EPB41L1: variants seen among roughly 807,000 people sequenced by gnomAD.
EPB41L1 encodes the protein erythrocyte membrane protein band 4.1 like 1, also known as band 4.1-like protein 1.
Under a neutral mutation model 97.8 loss-of-function variants are expected in EPB41L1, and 29 were observed. The observed-to-expected ratio is 0.30, with a 90% CI of 0.22 to 0.40. EPB41L1 has a LOEUF of 0.40. Ranked by LOEUF, EPB41L1 falls within the 10% of genes least tolerant of loss-of-function variation. The pLI, the probability that EPB41L1 is intolerant of heterozygous loss-of-function variation, is 1.00. For synonymous variants in EPB41L1, 383 were observed against 459.2 expected, an observed-to-expected ratio of 0.83 and a Z score of 2.12; for missense variants, 812 against 1,162.3, an observed-to-expected ratio of 0.70 and a Z score of 4.38.
At chr20:36,218,775 C>T (rs1280816764) in intron 17 of EPB41L1, 101 bp from the exon 18 acceptor site, 5 of 1,050,418 alleles carry the variant, frequency 4.8e-6, no homozygotes, top group African/African-American at 1.6e-5. Flanking sequence ...ATTATTTCTA[C>T]TCAACCTTGT....
chr20:36,093,392 G>A lies in EPB41L1; in HGVS notation c.-65+1780G>A, dbSNP rs1250245086. Reference sequence around the variant, plus strand: ...CCCGTGTGTGCGCGTGTGAGTGCGGGTGTGCTCCCGCGTAGCCCCCGTGTG... The same window carrying A: ...CCCGTGTGTGCGCGTGTGAGTGCGGATGTGCTCCCGCGTAGCCCCCGTGTG... On this transcript the variant is annotated intron_variant, in intron 1 of 19. Transcript: ENST00000202028. This position sits in a 1 kb window ranked among gnomAD's most constrained non-coding sequence, Gnocchi z 5.4. Among the ~76,000 whole-genome samples the A allele has an allele frequency of 6.6e-6, 1 of 151,262 alleles. No individual in the cohort carries two copies. The highest frequency in any genetic ancestry group is 1.5e-5 in the Non-Finnish European group (1 of 67,786).
At chr20:36,192,096 T>C (rs759238683) in intron 11 of EPB41L1, among the ~76,000 whole-genome samples, 5 of 151,734 alleles carry the variant, frequency 3.3e-5, no homozygotes, top group Non-Finnish European at 5.9e-5. Flanking sequence ...CGTGGTGGCA[T>C]GCACCTGTAA....
intron 2 of EPB41L1, among the ~76,000 whole-genome samples, chr20:36,121,094 C>T (rs6142510): frequency 2.0e-5 from 3 of 148,044 alleles, no homozygotes; most frequent in Non-Finnish European, 3.0e-5. Context: ...AAAAAGAGAG[C>T]GATCTCAGAG....
At chr20:36,124,742 A>G (rs2147703694) in intron 2 of EPB41L1, among the ~76,000 whole-genome samples, 1 of 152,230 alleles carries the variant, frequency 6.6e-6, no homozygotes, top group Admixed American at 6.5e-5. Flanking sequence ...GGCATGGCGC[A>G]CAGTAGGTAT....
Position 36,214,343 on chromosome 20 carries a change from C to T in EPB41L1, c.2185-14C>T. On this transcript the variant is annotated splice_polypyrimidine_tract_variant and intron_variant, in intron 16 of 21. Transcript: ENST00000338074. Reference sequence around the variant, plus strand: ...CCAGCTCTCCCCAGCTCTAACGACTCCTCCTCTGGTCAGCAGGTTGATGGG... The same window carrying T: ...CCAGCTCTCCCCAGCTCTAACGACTTCTCCTCTGGTCAGCAGGTTGATGGG... 1 of 1,612,548 alleles carries T rather than the reference C, an allele frequency of 6.2e-7. No homozygotes were observed. Among genetic ancestry groups the T allele is most frequent in the South Asian group, 1.1e-5 (1 of 90,942 alleles).
intron 2 of EPB41L1, among the ~76,000 whole-genome samples, chr20:36,138,160 T>C (rs1363750783): frequency 1.3e-5 from 2 of 152,242 alleles, no homozygotes; most frequent in Admixed American, 1.3e-4. Flanking sequence ...ATGTGAATAA[T>C]GCTGCTATGG....
intron 1 of EPB41L1, among the ~76,000 whole-genome samples, chr20:36,166,417 A>G (rs2060740961): frequency 6.6e-6 from 1 of 152,254 alleles, no homozygotes; most frequent in South Asian, 2.1e-4. Context: ...CCTAGCAAAT[A>G]GCAGACTACA....
chr20:36,170,064 C>T (rs1046864837), intron 1 of EPB41L1, among the ~76,000 whole-genome samples: 1 of 152,194 alleles, frequency 6.6e-6, no homozygotes, highest in African/African-American at 2.4e-5. Flanking sequence ...CCACGGCCAC[C>T]TAGGCTCCCT....
intron 1 of EPB41L1, among the ~76,000 whole-genome samples, chr20:36,162,412 A>C (rs1364684284): frequency 6.6e-6 from 1 of 152,240 alleles, no homozygotes; most frequent in Non-Finnish European, 1.5e-5. Flanking sequence ...TGGGGAGAGC[A>C]CTGGACTGTG....
At position 36,232,282 on chromosome 20, in the gene EPB41L1, T is replaced by A; in HGVS notation, c.*2942T>A. On this transcript the variant is annotated 3_prime_UTR_variant, in exon 22 of 22. Transcript: ENST00000338074. ...TGCCACCTCTCCACCCAGGAGGCCA[T>A]GTAGCATAGTGGAAAAAGTCCCTGA... The A allele has an allele frequency of 4.0e-6, 1 of 250,570 alleles. No individual in the cohort carries two copies. Among genetic ancestry groups the A allele is most frequent in the Non-Finnish European group, 7.5e-6 (1 of 132,914 alleles). The allele number at this position is 250,570 out of a possible 1,614,324, so 15.5% of individuals were successfully genotyped here.
In EPB41L1 at chr20:36,207,612, A is replaced by G. The variant is rs2062896557; in HGVS notation, c.1669-1876A>G. On this transcript the variant is annotated intron_variant, in intron 14 of 21. Transcript: ENST00000338074. The surrounding 1 kb of genome is among the most constrained non-coding windows in gnomAD (Gnocchi z 4.9). ...TGGGCTTCGCCCAACTCCAGCCCCC[A>G]GGGGACTTTGCCAGCCCCAAAGCCA... 1 of 1,289,928 alleles carries G rather than the reference A, an allele frequency of 7.8e-7. No individual in the cohort carries two copies. Among genetic ancestry groups the G allele is most frequent in the Non-Finnish European group, 1.0e-6 (1 of 988,924 alleles). The allele number at this position is 1,289,928 out of a possible 1,614,324, so 79.9% of individuals were successfully genotyped here. A position where few individuals can be genotyped will look rare whatever the true frequency, so the allele number is the denominator to read the frequency against.
At position 36,195,739 on chromosome 20, in the gene EPB41L1, C is replaced by G. The variant is rs980652939; in HGVS notation, c.1485+375C>G. Among the ~76,000 whole-genome samples the G allele has an allele frequency of 5.3e-5, 8 of 152,214 alleles. No individual in the cohort carries two copies. Among genetic ancestry groups the G allele is most frequent in the Non-Finnish European group, 2.9e-5 (2 of 68,038 alleles). On this transcript the variant is annotated intron_variant, in intron 13 of 21. Transcript: ENST00000338074. The surrounding 1 kb of genome is among the most constrained non-coding windows in gnomAD (Gnocchi z 4.6). ...TTAGCACATCTCCCCTGACCCACCC[C>G]TTCCCTAGATTCATCTCCTGCCCGA...
chr20:36,116,756 A>AT (rs1464726060), intron 2 of EPB41L1, among the ~76,000 whole-genome samples: 6 of 152,042 alleles, frequency 3.9e-5, no homozygotes, highest in Non-Finnish European at 8.8e-5. Context: ...CCCTTAGCTA[A>AT]TCTCATCCAT....
At chr20:36,109,189 C>T (rs548580250) in intron 1 of EPB41L1, among the ~76,000 whole-genome samples, 2 of 152,014 alleles carry the variant, frequency 1.3e-5, no homozygotes, top group Non-Finnish European at 2.9e-5. Flanking sequence ...CGTCATGATC[C>T]GCCTGCCTCG....
intron 5 of EPB41L1, among the ~76,000 whole-genome samples, chr20:36,180,791 T>C (rs907226713): frequency 1.3e-5 from 2 of 152,188 alleles, no homozygotes; most frequent in Non-Finnish European, 1.5e-5. Flanking sequence ...TATTATTGAT[T>C]ATTACCATTA....
chr20:36,191,367 T>G (rs1164374183), intron 11 of EPB41L1, among the ~76,000 whole-genome samples: 1 of 152,208 alleles, frequency 6.6e-6, no homozygotes, highest in East Asian at 1.9e-4. Flanking sequence ...CACTCTCCAC[T>G]GTCCCCATTT....
chr20:36,129,764 C>T (rs2059119069), intron 2 of EPB41L1, among the ~76,000 whole-genome samples: 1 of 151,920 alleles, frequency 6.6e-6, no homozygotes, highest in Non-Finnish European at 1.5e-5. Context: ...TCAATTTATT[C>T]ATTTATTTTA....
At chr20:36,151,770 G>A (rs929912112), upstream of EPB41L1, 2 of 152,224 alleles carry the variant, frequency 1.3e-5, no homozygotes. Flanking sequence ...GCGTAACCTT[G>A]GGCAAGTCAC....
In EPB41L1 at chr20:36,092,365, C is replaced by G. The variant is rs1326676685; in HGVS notation, c.-65+753C>G. 3.3e-5 allele frequency among the ~76,000 whole-genome samples: 5 copies of G among 152,168 alleles called. No individual in the cohort carries two copies. The highest frequency in any genetic ancestry group is 9.6e-5 in the African/African-American group (4 of 41,454). On this transcript the variant is annotated intron_variant, in intron 1 of 19. Transcript: ENST00000202028. The surrounding 1 kb of genome is among the most constrained non-coding windows in gnomAD (Gnocchi z 7.0). The stretch of plus-strand genomic sequence containing the variant: ...CGCCCGGCCTCTGAGCCCGCCGCAG[C>G]TCAGGTTGACGCCGGGCCCACGTGG...
Sources: gnomAD v4.1 joint callset for allele counts (sites outside exome capture counted in the v4.1 genomes callset) on GRCh38, gnomAD v4.1.1 for gene constraint, Gnocchi (gnomAD v3.1) non-coding constraint, MANE v1.5 for transcripts, NCBI Gene and HGNC (gene_info 2026-07-23, HGNC 2026-07-21) for gene names.